The following RIBC1 variants were observed in gnomAD, a reference collection of about 807,000 sequenced individuals.
RIBC1 encodes RIB43A domain with coiled-coils 1, also known as RIB43A-like with coiled-coils protein 1.
A neutral mutation model predicts 33.7 loss-of-function variants in RIBC1; 12 were observed. The ratio of observed to expected loss-of-function variants is 0.36; its 90% CI spans 0.23 to 0.58. The LOEUF (loss-of-function observed/expected upper bound fraction) is 0.58. Ranked by LOEUF, RIBC1 falls within the 20% of genes least tolerant of loss-of-function variation. The probability of loss-of-function intolerance (pLI) is 0.81; values close to 1 mark genes in which losing one functional copy is unlikely to be tolerated. For synonymous variants in RIBC1, 89 were observed against 109.0 expected, an observed-to-expected ratio of 0.82 and a Z score of 1.14; for missense variants, 242 against 311.6, an observed-to-expected ratio of 0.78 and a Z score of 1.68.
chrX:53,426,435 C>A, intron 3 of RIBC1, 42 bp downstream of exon 3: 1 of 848,912 alleles, frequency 1.2e-6, no homozygotes, highest in East Asian at 3.3e-5. Context: ...TCAGGGCCAC[C>A]TCACTCTTAC....
At position 53,428,635 on chromosome X, in the gene RIBC1, G is replaced by A; in HGVS notation, c.544+8G>A. The A allele has an allele frequency of 8.3e-7, 1 of 1,209,061 alleles. No individual in the cohort carries two copies. The highest frequency in any genetic ancestry group is 1.1e-6 in the Non-Finnish European group (1 of 894,432). The stretch of plus-strand genomic sequence containing the variant: ...TTGATGAGAATTATACAGGTAAGCA[G>A]CCCGGCCCTCCAGACTCAGAGACCT... On this transcript the variant is annotated splice_region_variant and intron_variant, in intron 5 of 7. Transcript: ENST00000375327.
chrX:53,424,442 C>T (rs2075779896), intron 2 of RIBC1, among the ~76,000 whole-genome samples: 1 of 109,192 alleles, frequency 9.2e-6, no homozygotes, highest in Non-Finnish European at 1.9e-5. Flanking sequence ...CCATCTAAAA[C>T]AAATTAAAAA....
In RIBC1 at chrX:53,426,308, A is replaced by T. The variant is rs1556893178; in HGVS notation, c.32A>T (p.Lys11Met). Residue 11 changes from lysine (K) to methionine (M), a missense_variant, in exon 3 of 8, where the codon AAG (lysine) becomes ATG (methionine). Transcript: ENST00000375327. The stretch of plus-strand genomic sequence containing the variant: ...AACATAAAACAGTCAACAGATACCA[A>T]GGAAGCAGCAGCCATCGAGGCTAGA... The part of the protein sequence containing the change: MYNIKQSTDT[K>M]EAAAIEARRN... 8.3e-7 allele frequency: 1 copy of T among 1,209,181 alleles called. No homozygotes were observed. Among genetic ancestry groups the T allele is most frequent in the African/African-American group, 1.7e-5 (1 of 57,827 alleles).
intron 2 of RIBC1, among the ~76,000 whole-genome samples, chrX:53,423,808 G>A (rs782556146): frequency 8.9e-6 from 1 of 112,209 alleles, no homozygotes; most frequent in East Asian, 2.8e-4. Context: ...GGGCATGGTG[G>A]CTGACAACTG....
At chrX:53,423,487 C>T (rs1342510372) in intron 2 of RIBC1, 85 bp downstream of exon 2, 2 of 112,270 alleles carry the variant, frequency 1.8e-5, no homozygotes, top group South Asian at 3.7e-4. Context: ...GCCTCTCCCC[C>T]ATCCCATTCC....
rs147007990 is a variant in RIBC1 at position 53,429,125 on chromosome X, G to A, written c.544+498G>A. On this transcript the variant is annotated intron_variant, in intron 5 of 7. Transcript: ENST00000375327. ...ACTCTGTTCTGCTGGACCACTTATT[G>A]TAGTTGTAGCTAATTGTGAAAGTAT... 982 of 121,292 alleles carry A rather than the reference G, an allele frequency of 8.1e-3. 10 individuals are homozygous for A. The highest frequency in any genetic ancestry group is 0.03 in the African/African-American group (934 of 31,087). The allele number at this position is 121,292 out of a possible 1,213,427, so 10.0% of individuals were successfully genotyped here.
chrX:53,426,613 G>A (rs782546769), intron 3 of RIBC1, among the ~76,000 whole-genome samples: 18 of 111,863 alleles, frequency 1.6e-4, no homozygotes, highest in African/African-American at 2.9e-4. Context: ...TAGGGGAGAC[G>A]GCTGACCCTT....
chrX:53,428,970 A>G (rs1481459958), intron 5 of RIBC1: 1 of 364,265 alleles, frequency 2.7e-6, no homozygotes, highest in African/African-American at 2.6e-5. Flanking sequence ...TTTATACCAC[A>G]TAGAGTAGCT....
At chrX:53,429,535 C>T (rs1230898451) in intron 5 of RIBC1, 14 of 279,315 alleles carry the variant, frequency 5.0e-5, no homozygotes, top group African/African-American at 3.0e-4. Flanking sequence ...GGATTTAATT[C>T]GATGGTATCA....
intron 2 of RIBC1, among the ~76,000 whole-genome samples, chrX:53,425,181 G>A (rs1602421389): frequency 9.0e-6 from 1 of 111,720 alleles, no homozygotes; most frequent in South Asian, 3.7e-4. Context: ...AAAGGCCCCG[G>A]GGTGGGAACA....
Position 53,426,404 on chromosome X carries a change from A to G in RIBC1, c.117+11A>G, listed in dbSNP as rs782009399. 1.2e-5 allele frequency: 13 copies of G among 1,103,320 alleles called. No homozygotes were observed. The East Asian group carries it at 3.6e-4, about 31-fold the overall frequency. The allele number at this position is 1,103,320 out of a possible 1,213,427, so 90.9% of individuals were successfully genotyped here. On this transcript the variant is annotated intron_variant, in intron 3 of 7. Coordinates refer to ENST00000375327, the MANE Select transcript of RIBC1 (RefSeq NM_001031745.5). ...AACCGAGTCATGGGGGTGAGTGGGT[A>G]GTAGGGACTGTTGCTCAGGATCAGG...
Position 53,431,076 on chromosome X carries a change from C to T in RIBC1, c.*88C>T. 8.6e-7 allele frequency: 1 copy of T among 1,163,837 alleles called. No individual in the cohort carries two copies. Among genetic ancestry groups the T allele is most frequent in the Non-Finnish European group, 1.2e-6 (1 of 860,058 alleles). On this transcript the variant is annotated 3_prime_UTR_variant, in exon 8 of 8. Coordinates refer to ENST00000375327, the MANE Select transcript of RIBC1 (RefSeq NM_001031745.5). ...AAGAGAAAAATGCTGCATACTCCCA[C>T]CTTCTAACCTAGGTAATAAAGTTCT...
intron 2 of RIBC1, 74 bp from the exon 3 acceptor site, chrX:53,426,199 GAGAA>G: frequency 4.9e-6 from 3 of 617,391 alleles, no homozygotes; most frequent in Non-Finnish European, 2.7e-6. Context: ...ATATTATAGG[GAGAA>G]AGGAATGGGG....
At position 53,430,895 on chromosome X, in the gene RIBC1, C is replaced by T; in HGVS notation, c.1059-12C>T. 8.3e-7 allele frequency: 1 copy of T among 1,211,106 alleles called. No homozygotes were observed. Among genetic ancestry groups the T allele is most frequent in the Non-Finnish European group, 1.1e-6 (1 of 895,242 alleles). ...AAGCATGTCAGCTGAGACCTCTGGA[C>T]TTCTTTCACAGGCAGGATTACCTGA... On this transcript the variant is annotated splice_polypyrimidine_tract_variant and intron_variant, in intron 7 of 7. Transcript: ENST00000375327.
intron 1 of RIBC1, 114 bp downstream of exon 1, chrX:53,423,118 A>G (rs2075770279): frequency 5.9e-6 from 1 of 169,570 alleles, no homozygotes; most frequent in Non-Finnish European, 1.1e-5. Flanking sequence ...AGGAGGGGCC[A>G]ACGGGAGGAT....
In RIBC1 at chrX:53,430,732, G is replaced by A. The variant is rs782506588; in HGVS notation, c.1000G>A (p.Val334Ile). The change falls in exon 7 of 8, where the codon GTA becomes ATA. Residue 334 changes from valine (V) to isoleucine (I), a missense_variant. Transcript: ENST00000375327. ...AGAGCAGGAGAGGGAATTGTGTGCT[G>A]TATTTCAAAGGGGTCTAGGATCCTT... Reference protein sequence around the residue: ...LEEQERELCAVFQRGLGSFNQ... With the variant: ...LEEQERELCAIFQRGLGSFNQ... 2.2e-5 allele frequency: 26 copies of A among 1,202,304 alleles called. No homozygotes were observed. The highest frequency in any genetic ancestry group is 1.8e-4 in the Admixed American group (8 of 44,718).
intron 4 of RIBC1, 27 bp downstream of exon 4, chrX:53,428,111 C>CAAGG: frequency 1.7e-6 from 2 of 1,202,705 alleles, no homozygotes; most frequent in Non-Finnish European, 2.3e-6. Flanking sequence ...AGGGGCCAGA[C>CAAGG]AAGGGTGTAA....
chrX:53,427,323 T>C (rs781981661), intron 3 of RIBC1, among the ~76,000 whole-genome samples: 13 of 112,042 alleles, frequency 1.2e-4, no homozygotes, highest in African/African-American at 4.2e-4. Context: ...AAAATGAGGC[T>C]GAAGGAAGTC....
chrX:53,429,584 G>A (rs782745473), intron 5 of RIBC1: 2 of 638,591 alleles, frequency 3.1e-6, no homozygotes, highest in South Asian at 5.8e-5. Context: ...GAGATTCAGA[G>A]ATATGAAATG....
Sources: allele counts gnomAD v4.1 joint callset (sites outside exome capture counted in the v4.1 genomes callset), GRCh38; gene constraint gnomAD v4.1.1; transcripts MANE v1.5; gene names NCBI Gene and HGNC (gene_info 2026-07-23, HGNC 2026-07-21).